Variants in CCNY observed in about 807,000 individuals in gnomAD.
CCNY encodes the protein cyclin-Y.
In CCNY, 19 loss-of-function variants were observed where a neutral mutation model predicts 42.8. That is an observed-to-expected ratio of 0.44 (90% CI 0.31 to 0.65). The LOEUF is 0.65. CCNY is among the 30% of genes least tolerant of loss of function. The pLI, the probability that CCNY is intolerant of heterozygous loss-of-function variation, is 0.07. For missense variants in CCNY, 370 were observed against 437.3 expected, an observed-to-expected ratio of 0.85 and a Z score of 1.37; for synonymous variants, 165 against 162.7, an observed-to-expected ratio of 1.01 and a Z score of -0.11.
chr10:35,348,641 A>G (rs1039744805), intron 1 of CCNY, among the ~76,000 whole-genome samples: 1 of 152,214 alleles, frequency 6.6e-6, no homozygotes, highest in Non-Finnish European at 1.5e-5. Context: ...CCCCATTGCA[A>G]GATAGCAGGG....
intron 1 of CCNY, among the ~76,000 whole-genome samples, chr10:35,353,497 C>T (rs1836471112): frequency 6.6e-6 from 1 of 152,112 alleles, no homozygotes. Flanking sequence ...AGAAGATAGC[C>T]TTCGTAGAAT....
chr10:35,411,741 G>A (rs1285739769), intron 1 of CCNY, among the ~76,000 whole-genome samples: 1 of 152,108 alleles, frequency 6.6e-6, no homozygotes, highest in Non-Finnish European at 1.5e-5. Flanking sequence ...CAAGTTTTAT[G>A]TTCTACTAAG....
At chr10:35,259,892 C>CT (rs34394998) in intron 3 of CCNY, among the ~76,000 whole-genome samples, 7,083 of 145,876 alleles carry the variant, frequency 0.049, 223 homozygotes, top group Non-Finnish European at 0.076. Flanking sequence ...AAACAACATA[C>CT]TTTTTTTTTT....
intron 3 of CCNY, among the ~76,000 whole-genome samples, chr10:35,294,530 G>T (rs776663670): frequency 2.3e-4 from 35 of 151,682 alleles, no homozygotes; most frequent in Non-Finnish European, 3.8e-4. Flanking sequence ...GTGTTTTTTT[G>T]TCCTTTATTC....
At chr10:35,483,626 G>A in intron 2 of CCNY, 148 bp downstream of exon 2, 1 of 512,502 alleles carries the variant, frequency 2.0e-6, no homozygotes, top group South Asian at 3.7e-5. Flanking sequence ...AGTTCTCTTG[G>A]GATTTTTTTC....
intron 3 of CCNY, among the ~76,000 whole-genome samples, chr10:35,302,720 TCTA>T (rs1835552972): frequency 6.6e-6 from 1 of 152,164 alleles, no homozygotes; most frequent in South Asian, 2.1e-4. Context: ...AACAATTCAA[TCTA>T]CATCATAGCC....
chr10:35,370,907 G>A (rs910253473), intron 1 of CCNY, among the ~76,000 whole-genome samples: 15 of 151,908 alleles, frequency 9.9e-5, no homozygotes, highest in Non-Finnish European at 1.5e-5. Context: ...AGTAGAGACA[G>A]GGTTTCACCA....
intron 3 of CCNY, among the ~76,000 whole-genome samples, chr10:35,262,700 A>G (rs1403998919): frequency 6.6e-6 from 1 of 152,034 alleles, no homozygotes; most frequent in African/African-American, 2.4e-5. Flanking sequence ...TCATTGATTG[A>G]TATTGGGACT....
chr10:35,379,306 A>G (rs1837125198), intron 1 of CCNY, among the ~76,000 whole-genome samples: 1 of 152,046 alleles, frequency 6.6e-6, no homozygotes, highest in African/African-American at 2.4e-5. Flanking sequence ...CTGGACCTGG[A>G]TGGTTTGAAC....
chr10:35,490,222 G>C (rs1281592561), intron 2 of CCNY, among the ~76,000 whole-genome samples: 3 of 152,174 alleles, frequency 2.0e-5, no homozygotes, highest in Non-Finnish European at 4.4e-5. Flanking sequence ...GAATGCTACA[G>C]GTTCTTCATA....
At chr10:35,295,788 G>A (rs1835464380) in intron 3 of CCNY, among the ~76,000 whole-genome samples, 1 of 151,954 alleles carries the variant, frequency 6.6e-6, no homozygotes, top group Non-Finnish European at 1.5e-5. Context: ...TCTTTTCAAA[G>A]TTCATCCATA....
intron 1 of CCNY, among the ~76,000 whole-genome samples, chr10:35,367,743 A>G (rs533581520): frequency 5.3e-5 from 8 of 152,310 alleles, no homozygotes; most frequent in Non-Finnish European, 8.8e-5. Flanking sequence ...TCTTCCCCTT[A>G]GAGACTATTG....
intron 1 of CCNY, among the ~76,000 whole-genome samples, chr10:35,424,501 C>T (rs1424108938): frequency 1.3e-5 from 2 of 152,266 alleles, no homozygotes; most frequent in African/African-American, 4.8e-5. Context: ...GCTGGGATTA[C>T]AGGCGTGAGC....
chr10:35,433,472 C>T (rs1382942681), intron 1 of CCNY, among the ~76,000 whole-genome samples: 2 of 151,974 alleles, frequency 1.3e-5, no homozygotes, highest in Admixed American at 6.6e-5. Context: ...ACACAACAGT[C>T]ATCAAAGAAA....
chr10:35,353,683 A>G (rs1192782861), intron 1 of CCNY, among the ~76,000 whole-genome samples: 2 of 152,176 alleles, frequency 1.3e-5, no homozygotes, highest in East Asian at 3.8e-4. Context: ...ACTGCAACAC[A>G]CTGTACCTCT....
chr10:35,330,219 T>C (rs945125732), intron 3 of CCNY, among the ~76,000 whole-genome samples: 8 of 152,246 alleles, frequency 5.3e-5, no homozygotes, highest in African/African-American at 1.7e-4. Flanking sequence ...AGGAGCTTCC[T>C]ATTCAGAGGA....
At chr10:35,430,080 G>A (rs1838352190) in intron 1 of CCNY, among the ~76,000 whole-genome samples, 1 of 151,988 alleles carries the variant, frequency 6.6e-6, no homozygotes, top group Non-Finnish European at 1.5e-5. Context: ...GCTCACGCCT[G>A]TAATCCCAGC....
chr10:35,348,809 G>T (rs540101674), intron 1 of CCNY, among the ~76,000 whole-genome samples: 1 of 152,148 alleles, frequency 6.6e-6, no homozygotes, highest in Non-Finnish European at 1.5e-5. Context: ...AGTCAGGGAT[G>T]GTCTGAATCT....
chr10:35,444,804 C>T (rs1019627369), intron 1 of CCNY, among the ~76,000 whole-genome samples: 4 of 151,984 alleles, frequency 2.6e-5, no homozygotes, highest in Admixed American at 1.3e-4. Flanking sequence ...AAGAAAGCAA[C>T]GTGGAGAATG....
Sources: allele counts gnomAD v4.1 joint callset (sites outside exome capture counted in the v4.1 genomes callset), GRCh38; gene constraint gnomAD v4.1.1; transcripts MANE v1.5; gene names NCBI Gene and HGNC (gene_info 2026-07-23, HGNC 2026-07-21).